RARB: variants seen among roughly 807,000 people sequenced by gnomAD.
RARB encodes the protein HBV-activated protein.
A neutral mutation model predicts 51.9 loss-of-function variants in RARB; 17 were observed. The observed-to-expected ratio is 0.33, with a 90% CI of 0.22 to 0.49. The LOEUF is 0.49. Ranked by LOEUF, RARB falls within the 20% of genes least tolerant of loss-of-function variation. The pLI, the probability that RARB is intolerant of heterozygous loss-of-function variation, is 0.99. For missense variants in RARB, 369 were observed against 550.8 expected (o/e 0.67, Z 3.30); for synonymous variants, 215 against 195.4 (o/e 1.10, Z -0.84).
intron 2 of RARB, among the ~76,000 whole-genome samples, chr3:24,909,943 A>G (rs1304180614): frequency 1.3e-5 from 2 of 152,144 alleles, no homozygotes; most frequent in African/African-American, 2.4e-5. Context: ...TCGAATTTCT[A>G]TATATTTTTT....
At position 25,477,091 on chromosome 3, in the gene RARB, G is replaced by A. The variant is rs1695988445; in HGVS notation, c.306+15750G>A. On this transcript the variant is annotated intron_variant, in intron 2 of 7. Coordinates refer to ENST00000330688, the MANE Select transcript of RARB (RefSeq NM_000965.5). ...GTTATCACAGGACAATAGCTATGGG[G>A]CAAATGGAGGAGATGTTTAGGATAC... Among the ~76,000 whole-genome samples, 2 of 152,180 alleles carry A rather than the reference G, an allele frequency of 1.3e-5. 1 individual carries two copies. The highest frequency in any genetic ancestry group is 1.3e-4 in the Admixed American group (2 of 15,272).
At chr3:25,412,254 C>CT (rs1324295408) in intron 5 of RARB, among the ~76,000 whole-genome samples, 2 of 152,134 alleles carry the variant, frequency 1.3e-5, no homozygotes, top group African/African-American at 4.8e-5. Flanking sequence ...CACTTAATCA[C>CT]TCAGATCTTT....
At chr3:25,577,109 T>C (rs1700967369) in intron 4 of RARB, among the ~76,000 whole-genome samples, 1 of 152,166 alleles carries the variant, frequency 6.6e-6, no homozygotes, top group Non-Finnish European at 1.5e-5. Flanking sequence ...AGTAGAAATA[T>C]GTGAGGAACC....
At chr3:25,409,486 A>T (rs916708233) in intron 5 of RARB, among the ~76,000 whole-genome samples, 2 of 152,160 alleles carry the variant, frequency 1.3e-5, no homozygotes, top group Admixed American at 1.3e-4. Context: ...CTGTAGTGCC[A>T]TAGGGTGTAA....
intron 5 of RARB, chr3:25,258,977 T>G: frequency 5.2e-6 from 5 of 957,906 alleles, no homozygotes; most frequent in Non-Finnish European, 5.0e-6. Flanking sequence ...AACCTCAGCC[T>G]GAGTTTTGCT....
At chr3:25,200,912 C>A (rs1475503257) in intron 5 of RARB, among the ~76,000 whole-genome samples, 3 of 152,170 alleles carry the variant, frequency 2.0e-5, no homozygotes, top group Non-Finnish European at 4.4e-5. Context: ...TTAGGATTGA[C>A]TTGGCGATGC....
chr3:25,021,698 A>T (rs1315365280), intron 2 of RARB, among the ~76,000 whole-genome samples: 1 of 152,052 alleles, frequency 6.6e-6, no homozygotes, highest in Non-Finnish European at 1.5e-5. Context: ...TCAGTTTTCC[A>T]TTTGTTCAAA....
At chr3:25,214,034 C>T (rs558091595) in intron 5 of RARB, among the ~76,000 whole-genome samples, 2 of 152,306 alleles carry the variant, frequency 1.3e-5, no homozygotes, top group African/African-American at 4.8e-5. Flanking sequence ...GCCATGCATA[C>T]AGAGCATTTT....
intron 2 of RARB, among the ~76,000 whole-genome samples, chr3:24,984,655 A>G (rs1696748612): frequency 6.6e-6 from 1 of 152,222 alleles, no homozygotes; most frequent in Admixed American, 6.5e-5. Flanking sequence ...TGTATTTTGA[A>G]TAAATCTAGA....
At chr3:25,390,932 C>T (rs544095969) in intron 5 of RARB, among the ~76,000 whole-genome samples, 2 of 151,990 alleles carry the variant, frequency 1.3e-5, no homozygotes, top group South Asian at 4.2e-4. Context: ...TTTGGGGGAA[C>T]AGGCGGTGTT....
chr3:25,226,042 A>G (rs1245869234), intron 5 of RARB, among the ~76,000 whole-genome samples: 2 of 152,210 alleles, frequency 1.3e-5, no homozygotes, highest in Admixed American at 6.5e-5. Context: ...TAATTGATAA[A>G]GGCAACCGTA....
intron 2 of RARB, among the ~76,000 whole-genome samples, chr3:24,933,153 A>T (rs4858665): frequency 0.53 from 80,254 of 151,618 alleles, 22,020 homozygotes; most frequent in East Asian, 0.72. Flanking sequence ...GAATCTTTTT[A>T]AAAAAACAAT....
At chr3:25,158,362 G>A (rs954894495) in intron 4 of RARB, among the ~76,000 whole-genome samples, 2 of 152,152 alleles carry the variant, frequency 1.3e-5, no homozygotes, top group Admixed American at 6.5e-5. Flanking sequence ...TGCATTCTTT[G>A]TTACAATTGC....
chr3:25,341,701 G>A lies in RARB; in HGVS notation c.179-119492G>A, dbSNP rs868132029. Reference sequence around the variant, plus strand: ...TACTTTTGGTTGTCACAACTGGAAGGGGAAAGCCACCGGTATCTAGTGGGT... The same window carrying A: ...TACTTTTGGTTGTCACAACTGGAAGAGGAAAGCCACCGGTATCTAGTGGGT... On this transcript the variant is annotated intron_variant, in intron 5 of 11. Coordinates refer to the RARB transcript ENST00000383772. Among the ~76,000 whole-genome samples, 9 of 152,136 alleles carry A rather than the reference G, an allele frequency of 5.9e-5. No individual in the cohort carries two copies. In the South Asian group the frequency reaches 1.5e-3, roughly 25 times the overall value.
At chr3:25,088,405 G>A (rs1169694935) in intron 3 of RARB, among the ~76,000 whole-genome samples, 5 of 152,118 alleles carry the variant, frequency 3.3e-5, no homozygotes, top group Admixed American at 3.3e-4. Flanking sequence ...TGCCACGCTG[G>A]TCTTTGTTCA....
intron 5 of RARB, among the ~76,000 whole-genome samples, chr3:25,278,187 G>A (rs978558598): frequency 6.6e-6 from 1 of 152,132 alleles, no homozygotes; most frequent in Non-Finnish European, 1.5e-5. Context: ...TGTGGTGGTT[G>A]GCGGTACATG....
intron 4 of RARB, among the ~76,000 whole-genome samples, chr3:25,157,239 C>T (rs1350361875): frequency 6.6e-6 from 1 of 151,976 alleles, no homozygotes; most frequent in African/African-American, 2.4e-5. Context: ...CATGCTTAAA[C>T]TTATCAGGTA....
intron 5 of RARB, among the ~76,000 whole-genome samples, chr3:25,363,460 G>A (rs74325871): frequency 1.3e-5 from 2 of 152,084 alleles, no homozygotes; most frequent in East Asian, 1.9e-4. Flanking sequence ...TTCGCCATCT[G>A]GGTTGATGGC....
At chr3:25,407,758 C>CT (rs11293787) in intron 5 of RARB, among the ~76,000 whole-genome samples, 4 of 146,956 alleles carry the variant, frequency 2.7e-5, no homozygotes, top group Admixed American at 6.8e-5. Flanking sequence ...TGCATGAAGG[C>CT]TTTTTTTTTT....
Sources: allele counts gnomAD v4.1 joint callset (sites outside exome capture counted in the v4.1 genomes callset), GRCh38; gene constraint gnomAD v4.1.1; transcripts MANE v1.5; gene names NCBI Gene and HGNC (gene_info 2026-07-23, HGNC 2026-07-21).